ARHGEF3: variants seen among roughly 807,000 people sequenced by gnomAD.
ARHGEF3 encodes the protein Rho guanine nucleotide exchange factor 3, also known as 59.8 kDA protein.
A neutral mutation model predicts 63.2 loss-of-function variants in ARHGEF3; 28 were observed. The ratio of observed to expected loss-of-function variants is 0.44; its 90% CI spans 0.33 to 0.61. The LOEUF (loss-of-function observed/expected upper bound fraction) is 0.61, where lower values mean the gene tolerates loss of function less well. ARHGEF3 is among the 20% of genes least tolerant of loss of function. The pLI is 0.03. For synonymous variants in ARHGEF3, 266 were observed against 254.2 expected, an observed-to-expected ratio of 1.05 and a Z score of -0.44; for missense variants, 533 against 659.3, an observed-to-expected ratio of 0.81 and a Z score of 2.10.
At chr3:56,928,678 C>T (rs1464735922) in intron 3 of ARHGEF3, among the ~76,000 whole-genome samples, 1 of 152,000 alleles carries the variant, frequency 6.6e-6, no homozygotes, top group African/African-American at 2.4e-5. Context: ...ATTAGATGAA[C>T]TGAGACACAG....
intron 3 of ARHGEF3, among the ~76,000 whole-genome samples, chr3:56,920,513 A>C (rs1251971008): frequency 6.6e-6 from 1 of 152,254 alleles, no homozygotes; most frequent in African/African-American, 2.4e-5. Context: ...TTTCATTTAC[A>C]TAAAATAAAA....
At chr3:56,919,958 C>G (rs1486128220) in intron 3 of ARHGEF3, among the ~76,000 whole-genome samples, 1 of 152,180 alleles carries the variant, frequency 6.6e-6, no homozygotes, top group Non-Finnish European at 1.5e-5. Flanking sequence ...GAAACCTGCT[C>G]TGGGATATTC....
At chr3:56,784,559 G>A (rs987185685) in intron 1 of ARHGEF3, among the ~76,000 whole-genome samples, 8 of 152,166 alleles carry the variant, frequency 5.3e-5, no homozygotes, top group Non-Finnish European at 1.2e-4. Context: ...AAACCTTTGG[G>A]TGGAATATAT....
intron 3 of ARHGEF3, among the ~76,000 whole-genome samples, chr3:56,956,181 C>A (rs1388044250): frequency 6.6e-6 from 1 of 151,852 alleles, no homozygotes; most frequent in African/African-American, 2.4e-5. Context: ...AACTCTGAAA[C>A]CCACTTGGTT....
intron 2 of ARHGEF3, among the ~76,000 whole-genome samples, chr3:56,996,549 A>G (rs1336978497): frequency 1.3e-5 from 2 of 152,198 alleles, no homozygotes; most frequent in Admixed American, 6.5e-5. Flanking sequence ...GTGAGAAGGC[A>G]CCATCTATGA....
intron 1 of ARHGEF3, among the ~76,000 whole-genome samples, chr3:56,783,050 G>C (rs754428905): frequency 3.3e-5 from 5 of 152,154 alleles, no homozygotes; most frequent in East Asian, 1.9e-4. Flanking sequence ...GTTGCTTTCG[G>C]GGGAGCCTTG....
chr3:56,732,489 C>G, intron 8 of ARHGEF3, 65 bp from the exon 9 acceptor site: 2 of 1,572,908 alleles, frequency 1.3e-6, no homozygotes, highest in Middle Eastern at 1.8e-4. Flanking sequence ...ATATGTGGAC[C>G]TCTGTGGATA....
At chr3:56,958,908 T>C in intron 2 of ARHGEF3, 1 of 1,544,758 alleles carries the variant, frequency 6.5e-7, no homozygotes, top group South Asian at 1.2e-5. Flanking sequence ...GAAAAGACAA[T>C]GTATTCATTA....
chr3:57,013,326 C>G (rs1702790808), intron 2 of ARHGEF3, among the ~76,000 whole-genome samples: 1 of 152,250 alleles, frequency 6.6e-6, no homozygotes, highest in South Asian at 2.1e-4. Flanking sequence ...GCCAGCTGGG[C>G]TCCTGAGTCC....
At chr3:56,953,645 T>C (rs980648989) in intron 3 of ARHGEF3, among the ~76,000 whole-genome samples, 6 of 152,202 alleles carry the variant, frequency 3.9e-5, no homozygotes, top group African/African-American at 1.4e-4. Flanking sequence ...CCCCATCTTC[T>C]TGACCATAGC....
chr3:56,825,293 G>C (rs567764129), intron 4 of ARHGEF3, among the ~76,000 whole-genome samples: 5 of 152,214 alleles, frequency 3.3e-5, no homozygotes, highest in African/African-American at 1.2e-4. Context: ...TGCACTCCAC[G>C]CCACATTCTT....
intron 3 of ARHGEF3, among the ~76,000 whole-genome samples, chr3:56,890,052 A>G (rs1162693117): frequency 7.2e-6 from 1 of 139,242 alleles, no homozygotes; most frequent in Non-Finnish European, 1.5e-5. Context: ...ACAGAGCAAG[A>G]CTCCTTCTCA....
chr3:56,867,691 G>A (rs1261160044), intron 4 of ARHGEF3, among the ~76,000 whole-genome samples: 3 of 151,980 alleles, frequency 2.0e-5, no homozygotes, highest in East Asian at 1.9e-4. Flanking sequence ...GGTTGGTCTC[G>A]AGCTCCTGAG....
intron 1 of ARHGEF3, among the ~76,000 whole-genome samples, chr3:57,055,088 C>A (rs1704860700): frequency 6.6e-6 from 1 of 151,710 alleles, no homozygotes; most frequent in Non-Finnish European, 1.5e-5. Context: ...TTGCCTTTTC[C>A]CTCTCTTAAT....
chr3:56,736,402 T>A (rs2033628476), intron 8 of ARHGEF3, among the ~76,000 whole-genome samples: 1 of 152,224 alleles, frequency 6.6e-6, no homozygotes, highest in Non-Finnish European at 1.5e-5. Flanking sequence ...GAAATGGGTA[T>A]CTATAGGTCA....
At chr3:56,948,131 G>A (rs991853308) in intron 3 of ARHGEF3, among the ~76,000 whole-genome samples, 4 of 152,260 alleles carry the variant, frequency 2.6e-5, no homozygotes, top group African/African-American at 9.6e-5. Context: ...TTAAAGCAGT[G>A]TGTAGAGGGA....
At chr3:56,960,595 T>G (rs1371522735) in intron 2 of ARHGEF3, 2 of 152,220 alleles carry the variant, frequency 1.3e-5, no homozygotes, top group African/African-American at 4.8e-5. Flanking sequence ...AGAACAGCAT[T>G]CAACCCAGGA....
chr3:56,944,568 CTTTT>C (rs1205155655), intron 3 of ARHGEF3, among the ~76,000 whole-genome samples: 132 of 65,836 alleles, frequency 2.0e-3, no homozygotes, highest in East Asian at 0.019. Context: ...AAAGTGGTTT[CTTTT>C]TTTTTTTTTT....
At chr3:57,066,564 T>G (rs1043839779) in intron 1 of ARHGEF3, among the ~76,000 whole-genome samples, 8 of 152,140 alleles carry the variant, frequency 5.3e-5, no homozygotes, top group Non-Finnish European at 7.4e-5. Context: ...CGCCCAGGCT[T>G]TTGCCTTTTT....
Sources: allele counts gnomAD v4.1 joint callset (sites outside exome capture counted in the v4.1 genomes callset), GRCh38; gene constraint gnomAD v4.1.1; transcripts MANE v1.5; gene names NCBI Gene and HGNC (gene_info 2026-07-23, HGNC 2026-07-21).